The following LPCAT1 variants were observed in gnomAD, a reference collection of about 807,000 sequenced individuals.
LPCAT1 encodes 1-acylglycerol-3-phosphate O-acyltransferase.
Under a neutral mutation model 60.9 loss-of-function variants are expected in LPCAT1, and 23 were observed. That is an observed-to-expected ratio of 0.38 (90% CI 0.27 to 0.53). The LOEUF is 0.53. Ranked by LOEUF, LPCAT1 falls within the 20% of genes least tolerant of loss-of-function variation. LPCAT1 has a pLI of 0.82. For missense variants in LPCAT1, 622 were observed against 723.6 expected (o/e 0.86, Z 1.61); for synonymous variants, 340 against 301.1 (o/e 1.13, Z -1.34).
At chr5:1,512,968 C>A (rs1252500677) in intron 1 of LPCAT1, among the ~76,000 whole-genome samples, 2 of 152,202 alleles carry the variant, frequency 1.3e-5, no homozygotes, top group East Asian at 3.9e-4. Context: ...CACGCGCCGG[C>A]ATCCTGGTGT....
In LPCAT1 at chr5:1,466,797, C is replaced by G; in HGVS notation, c.1372G>C (p.Asp458His). ...ALGVAELTVTDLFRAIDQEEK... is the reference protein window; with the variant it reads ...ALGVAELTVTHLFRAIDQEEK... ...TCTTGGTCAATGGCTCGGAATAGGT[C>G]GGTCACGGTGAGCTCTGCCACCCCC... is the stretch of plus-strand genomic sequence containing the variant. The change falls in exon 13 of 14, where the codon GAC becomes CAC. Residue 458 changes from aspartate (D) to histidine (H), a missense_variant. By Grantham distance (81) the Asp-to-His change is moderately conservative. Around this residue, in one of 3 missense-constraint regions of LPCAT1, gnomAD observed 288 missense variants for 283.6 expected, o/e 1.02. Transcript: ENST00000283415. 4 of 1,613,144 alleles carry G rather than the reference C, an allele frequency of 2.5e-6. No individual in the cohort carries two copies. Among genetic ancestry groups the G allele is most frequent in the Non-Finnish European group, 3.4e-6 (4 of 1,179,428 alleles).
chr5:1,465,647 C>T (rs142183801), intron 13 of LPCAT1, among the ~76,000 whole-genome samples: 2 of 151,716 alleles, frequency 1.3e-5, no homozygotes, highest in African/African-American at 2.4e-5. Flanking sequence ...AGCACAGACA[C>T]GGTAACTAAA....
Position 1,477,496 on chromosome 5 carries a change from C to A in LPCAT1, c.817-10G>T. 2 of 1,605,668 alleles carry A rather than the reference C, an allele frequency of 1.2e-6. No individual in the cohort carries two copies. The highest frequency in any genetic ancestry group is 1.7e-6 in the Non-Finnish European group (2 of 1,173,844). On this transcript the variant is annotated splice_polypyrimidine_tract_variant and intron_variant, in intron 8 of 13. Coordinates refer to ENST00000283415, the MANE Select transcript of LPCAT1 (RefSeq NM_024830.5). This position sits in a 1 kb window ranked among gnomAD's most constrained non-coding sequence, Gnocchi z 6.0. ...TGTACACAGGAAGGAACTGAGCACA[C>A]AGAGAAGCTGCGTTAGTATCACAAG...
chr5:1,495,330 T>G lies in LPCAT1; in HGVS notation c.279-416A>C, dbSNP rs567493006. Among the ~76,000 whole-genome samples the G allele has an allele frequency of 5.0e-5, 7 of 140,624 alleles. No individual in the cohort carries two copies. The highest frequency in any genetic ancestry group is 7.7e-5 in the African/African-American group (3 of 38,740). 92.3% of individuals were successfully genotyped at this position (140,624 alleles called of 152,430 possible). A position where few individuals can be genotyped will look rare whatever the true frequency, so the allele number is the denominator to read the frequency against. On this transcript the variant is annotated intron_variant, in intron 2 of 13. Coordinates refer to ENST00000283415, the MANE Select transcript of LPCAT1 (RefSeq NM_024830.5). This position sits in a 1 kb window ranked among gnomAD's most constrained non-coding sequence, Gnocchi z 4.7. ...AACACCTAAAACGCATATCGCAATA[T>G]GGGGGGGGGGGCGCTCAGAGCTGAG...
intron 5 of LPCAT1, among the ~76,000 whole-genome samples, chr5:1,486,504 C>T (rs868087718): frequency 6.6e-6 from 1 of 152,128 alleles, no homozygotes; most frequent in African/African-American, 2.4e-5. Flanking sequence ...GTGACCCCAA[C>T]ATCAGGCGAT....
chr5:1,466,799 G>C lies in LPCAT1; in HGVS notation c.1370C>G (p.Thr457Ser), dbSNP rs1306717256. 6.2e-7 allele frequency: 1 copy of C among 1,613,198 alleles called. No individual in the cohort carries two copies. Among genetic ancestry groups the C allele is most frequent in the African/African-American group, 1.3e-5 (1 of 75,020 alleles). The change falls in exon 13 of 14, where the codon ACC becomes AGC. Residue 457 changes from threonine (T) to serine (S), a missense_variant. Coordinates refer to ENST00000283415, the MANE Select transcript of LPCAT1 (RefSeq NM_024830.5). Reference sequence around the variant, plus strand: ...TTGGTCAATGGCTCGGAATAGGTCGGTCACGGTGAGCTCTGCCACCCCCAG... The same window carrying C: ...TTGGTCAATGGCTCGGAATAGGTCGCTCACGGTGAGCTCTGCCACCCCCAG... ...TALGVAELTV[T>S]DLFRAIDQEE...
chr5:1,474,261 G>A (rs1379415192), intron 10 of LPCAT1, 151 bp from the exon 11 acceptor site: 4 of 957,334 alleles, frequency 4.2e-6, no homozygotes, highest in Non-Finnish European at 6.1e-6. Flanking sequence ...ATTGGAAGGT[G>A]CGAGATGTGT....
intron 3 of LPCAT1, among the ~76,000 whole-genome samples, chr5:1,494,073 G>C (rs760651379): frequency 2.0e-5 from 3 of 152,234 alleles, no homozygotes; most frequent in Non-Finnish European, 4.4e-5. Context: ...CCCAGATGAC[G>C]AGAGGGTGAA....
chr5:1,491,319 C>T (rs554556762), intron 3 of LPCAT1, among the ~76,000 whole-genome samples: 6 of 105,386 alleles, frequency 5.7e-5, no homozygotes, highest in African/African-American at 2.0e-4. Flanking sequence ...TTGGCCAAAG[C>T]GTCCCATGGT....
rs749062060 is a variant in LPCAT1 at position 1,521,973 on chromosome 5, C to T, written c.135+1737G>A. 2.0e-4 allele frequency among the ~76,000 whole-genome samples: 30 copies of T among 152,242 alleles called. No individual in the cohort carries two copies. Among genetic ancestry groups the T allele is most frequent in the Non-Finnish European group, 4.0e-4 (27 of 68,038 alleles). The stretch of plus-strand genomic sequence containing the variant: ...GGACAGAACACACCTCAACCGGGGG[C>T]TGCAACTATGACAGGGATGACGAAG... On this transcript the variant is annotated intron_variant, in intron 1 of 13. Coordinates refer to ENST00000283415, the MANE Select transcript of LPCAT1 (RefSeq NM_024830.5). This position sits in a 1 kb window ranked among gnomAD's most constrained non-coding sequence, Gnocchi z 4.3.
At position 1,494,695 on chromosome 5, in the gene LPCAT1, C is replaced by T; in HGVS notation, c.493+5G>A. ...CCTCACTCCCAGCAGGGGTGTCTCA[C>T]TCACTTCCCCAGATCGGGATGTCTC... On this transcript the variant is annotated splice_donor_5th_base_variant and intron_variant, in intron 3 of 13. Transcript: ENST00000283415. 1 of 1,613,850 alleles carries T rather than the reference C, an allele frequency of 6.2e-7. No individual in the cohort carries two copies. Among genetic ancestry groups the T allele is most frequent in the Non-Finnish European group, 8.5e-7 (1 of 1,179,692 alleles).
rs1734970159 is a variant in LPCAT1, at chr5:1,477,506, G to A, written c.817-20C>T. 4 of 1,588,136 alleles carry A rather than the reference G, an allele frequency of 2.5e-6. No individual in the cohort carries two copies. Among genetic ancestry groups the A allele is most frequent in the Non-Finnish European group, 2.6e-6 (3 of 1,159,234 alleles). ...AAGGAACTGAGCACACAGAGAAGCTGCGTTAGTATCACAAGACGCTGACCT... is the reference window on the plus strand; with the variant it reads ...AAGGAACTGAGCACACAGAGAAGCTACGTTAGTATCACAAGACGCTGACCT... On this transcript the variant is annotated intron_variant, in intron 8 of 13. Transcript: ENST00000283415. This position sits in a 1 kb window ranked among gnomAD's most constrained non-coding sequence, Gnocchi z 6.0.
intron 1 of LPCAT1, among the ~76,000 whole-genome samples, chr5:1,506,884 G>T (rs1406117022): frequency 4.6e-5 from 7 of 152,172 alleles, no homozygotes; most frequent in African/African-American, 9.7e-5. Context: ...GAGAGGGCAG[G>T]TGTCTTTTCT....
intron 2 of LPCAT1, among the ~76,000 whole-genome samples, chr5:1,498,855 C>G (rs1327076562): frequency 6.6e-6 from 1 of 152,178 alleles, no homozygotes; most frequent in African/African-American, 2.4e-5. Flanking sequence ...AGTAATGCAA[C>G]CACATGCCTA....
rs383193 is a variant in LPCAT1 at position 1,483,742 on chromosome 5, G to C, written c.668-256C>G. On this transcript the variant is annotated intron_variant, in intron 5 of 13. Coordinates refer to ENST00000283415, the MANE Select transcript of LPCAT1 (RefSeq NM_024830.5). This position sits in a 1 kb window ranked among gnomAD's most constrained non-coding sequence, Gnocchi z 9.2. Reference sequence around the variant, plus strand: ...CACTTTCTGTTTTAACATCGCGCACGAGCTGGAAGGCGTCTGTGGAGGGAC... The same window carrying C: ...CACTTTCTGTTTTAACATCGCGCACCAGCTGGAAGGCGTCTGTGGAGGGAC... 0.023 allele frequency among the ~76,000 whole-genome samples: 3,404 copies of C among 146,220 alleles called. 82 individuals are homozygous for C. The highest frequency in any genetic ancestry group is 0.11 in the East Asian group (525 of 4,736).
chr5:1,513,804 C>T (rs976720675), intron 1 of LPCAT1, among the ~76,000 whole-genome samples: 1 of 145,766 alleles, frequency 6.9e-6, no homozygotes, highest in Non-Finnish European at 1.5e-5. Flanking sequence ...TCCTCCATTT[C>T]CACAGGCTCT....
chr5:1,496,251 C>G lies in LPCAT1; in HGVS notation c.279-1337G>C, dbSNP rs1400412718. Among the ~76,000 whole-genome samples, 2 of 152,110 alleles carry G rather than the reference C, an allele frequency of 1.3e-5. No individual in the cohort carries two copies. Among genetic ancestry groups the G allele is most frequent in the Admixed American group, 1.3e-4 (2 of 15,286 alleles). ...TGGCAGGCGTCTGTAATCCCAGCCACTCAGGAGGCTGAGGCAGGAGAACTG... is the reference window on the plus strand; with the variant it reads ...TGGCAGGCGTCTGTAATCCCAGCCAGTCAGGAGGCTGAGGCAGGAGAACTG... On this transcript the variant is annotated intron_variant, in intron 2 of 13. Transcript: ENST00000283415. This position sits in a 1 kb window ranked among gnomAD's most constrained non-coding sequence, Gnocchi z 4.7.
Position 1,523,704 on chromosome 5 carries a change from AC to A in LPCAT1, c.135+5del. On this transcript the variant is annotated splice_donor_5th_base_variant and intron_variant, in intron 1 of 13. Transcript: ENST00000283415. The surrounding 1 kb of genome is among the most constrained non-coding windows in gnomAD (Gnocchi z 7.1). ...GCTCCCGGGGCCGCGCGCCCTGGGC[AC>A]CCACCTGGGCCTTCTGCAGGGCGCT... 3.6e-6 allele frequency: 4 copies of A among 1,109,758 alleles called. No homozygotes were observed. Among genetic ancestry groups the A allele is most frequent in the Non-Finnish European group, 4.4e-6 (4 of 908,338 alleles). 68.7% of individuals were successfully genotyped at this position (1,109,758 alleles called of 1,614,324 possible). A position where few individuals can be genotyped will look rare whatever the true frequency, so the allele number is the denominator to read the frequency against.
chr5:1,493,507 G>A (rs1735666088), intron 3 of LPCAT1, among the ~76,000 whole-genome samples: 1 of 152,278 alleles, frequency 6.6e-6, no homozygotes. Context: ...GGAGTGGCCA[G>A]GTGAGGGCCC....
Sources: allele counts gnomAD v4.1 joint callset (sites outside exome capture counted in the v4.1 genomes callset), GRCh38; gene constraint gnomAD v4.1.1; regional missense constraint gnomAD v4.1.1; non-coding constraint Gnocchi (gnomAD v3.1); transcripts MANE v1.5; gene names NCBI Gene and HGNC (gene_info 2026-07-23, HGNC 2026-07-21).